The following ATG7 variants were observed in gnomAD, a reference collection of about 807,000 sequenced individuals.
ATG7 encodes autophagy related 7, also known as ubiquitin-like modifier-activating enzyme ATG7.
ATG7 carries 70 observed loss-of-function variants against 82.4 expected under a neutral mutation model. The ratio of observed to expected loss-of-function variants is 0.85; its 90% CI spans 0.70 to 1.04. The LOEUF (loss-of-function observed/expected upper bound fraction) is 1.04. ATG7 is among the 50% of genes least tolerant of loss of function. The pLI, the probability that ATG7 is intolerant of heterozygous loss-of-function variation, is 0.00. For synonymous variants in ATG7, 287 were observed against 313.0 expected, an observed-to-expected ratio of 0.92 and a Z score of 0.88; for missense variants, 792 against 864.3, an observed-to-expected ratio of 0.92 and a Z score of 1.05.
At chr3:11,467,415 C>T (rs1044288771) in intron 20 of ATG7, among the ~76,000 whole-genome samples, 2 of 152,168 alleles carry the variant, frequency 1.3e-5, no homozygotes, top group Admixed American at 1.3e-4. Flanking sequence ...CTCCCTGTGT[C>T]GCCCAGGCTG....
At chr3:11,484,748 G>C (rs1313211665) in intron 20 of ATG7, among the ~76,000 whole-genome samples, 1 of 152,120 alleles carries the variant, frequency 6.6e-6, no homozygotes, top group African/African-American at 2.4e-5. Context: ...CTGTGTCCAT[G>C]TGTTGTCATT....
intron 11 of ATG7, among the ~76,000 whole-genome samples, chr3:11,339,189 G>A (rs1356268555): frequency 1.3e-5 from 2 of 151,362 alleles, no homozygotes; most frequent in Non-Finnish European, 2.9e-5. Context: ...CCAGCTACTC[G>A]GGAGGCTGAG....
intron 20 of ATG7, among the ~76,000 whole-genome samples, chr3:11,430,591 G>C (rs1172084305): frequency 2.0e-5 from 3 of 152,042 alleles, no homozygotes; most frequent in Non-Finnish European, 4.4e-5. Flanking sequence ...TATATACTTT[G>C]TTTATAAAAT....
In ATG7 at chr3:11,440,261, TC is replaced by T. The variant is rs527999414; in HGVS notation, c.2079+13338del. ...CTTGTAGATGAACTTGCGACTCCAA[TC>T]CCAACTTACCATTGGGAAAAGAGCA... On this transcript the variant is annotated intron_variant, in intron 20 of 20. Transcript: ENST00000693202. Among the ~76,000 whole-genome samples, 187 of 151,548 alleles carry T rather than the reference TC, an allele frequency of 1.2e-3. 1 individual carries two copies. Among genetic ancestry groups the T allele is most frequent in the South Asian group, 2.3e-3 (11 of 4,790 alleles).
rs2076369862 is a variant in ATG7 at position 11,362,883 on chromosome 3, C to A, written c.1754C>A (p.Ala585Asp). 6.2e-7 allele frequency: 1 copy of A among 1,614,044 alleles called. No individual in the cohort carries two copies. Among genetic ancestry groups the A allele is most frequent in the Non-Finnish European group, 8.5e-7 (1 of 1,179,974 alleles). The stretch of plus-strand genomic sequence containing the variant: ...CCAGGACTGGCCGTGATTGCAGGAG[C>A]CCTGGCCGTGGAATTGATGGTATCT... ...SRPGLAVIAG[A>D]LAVELMVSVL... is the part of the protein sequence containing the mutation. The change falls in exon 17 of 21, where the codon GCC becomes GAC. Residue 585 changes from alanine (A) to aspartate (D), a missense_variant. Physicochemically the swap from Ala to Asp is moderately radical, Grantham distance 126. Transcript: ENST00000693202.
intron 20 of ATG7, among the ~76,000 whole-genome samples, chr3:11,509,499 T>C (rs1053862380): frequency 6.6e-6 from 1 of 151,084 alleles, no homozygotes; most frequent in Non-Finnish European, 1.5e-5. Context: ...GTCACAGACA[T>C]AGACATGTTT....
At chr3:11,339,251 G>A (rs1018352972) in intron 11 of ATG7, among the ~76,000 whole-genome samples, 12 of 139,962 alleles carry the variant, frequency 8.6e-5, no homozygotes, top group Non-Finnish European at 1.5e-4. Context: ...AGCCAAAATC[G>A]CGCCACTGCA....
chr3:11,516,032 A>T lies in ATG7; in HGVS notation c.2080-38779A>T, dbSNP rs60050165. 2.4e-3 allele frequency among the ~76,000 whole-genome samples: 275 copies of T among 115,396 alleles called. 1 individual carries two copies. The highest frequency in any genetic ancestry group is 9.4e-3 in the African/African-American group (230 of 24,424). The allele number at this position is 115,396 out of a possible 152,430, so 75.7% of individuals were successfully genotyped here. On this transcript the variant is annotated intron_variant, in intron 20 of 20. Coordinates refer to ENST00000693202, the MANE Select transcript of ATG7 (RefSeq NM_001349232.2). ...TTGGGAACAGCTCACATTCCTTTTT[A>T]AAAAAAAAAAAAAACAAAAAAACAT...
At chr3:11,499,698 G>T (rs1164287714) in intron 20 of ATG7, among the ~76,000 whole-genome samples, 1 of 146,868 alleles carries the variant, frequency 6.8e-6, no homozygotes, top group Non-Finnish European at 1.5e-5. Flanking sequence ...AGTGAGCCAA[G>T]ATCATGCCAT....
intron 20 of ATG7, among the ~76,000 whole-genome samples, chr3:11,462,089 G>T (rs754485603): frequency 6.6e-6 from 1 of 151,892 alleles, no homozygotes. Context: ...CAAATAACTC[G>T]AGGATATCTG....
intron 20 of ATG7, among the ~76,000 whole-genome samples, chr3:11,542,538 A>G (rs527251057): frequency 1.3e-5 from 2 of 152,130 alleles, no homozygotes; most frequent in East Asian, 2.0e-4. Flanking sequence ...GCCATGGGCC[A>G]TGGCCCTTCC....
At chr3:11,504,904 A>G (rs1394383429) in intron 20 of ATG7, among the ~76,000 whole-genome samples, 3 of 152,216 alleles carry the variant, frequency 2.0e-5, no homozygotes. Flanking sequence ...GGGAGGCAAG[A>G]GTTTGCCATG....
chr3:11,477,682 G>A (rs879284731), intron 20 of ATG7, among the ~76,000 whole-genome samples: 4 of 152,156 alleles, frequency 2.6e-5, no homozygotes, highest in Non-Finnish European at 5.9e-5. Flanking sequence ...GAACAAGGGG[G>A]AATTTTTTTG....
chr3:11,498,977 C>T (rs1006976921), intron 20 of ATG7, among the ~76,000 whole-genome samples: 4 of 152,110 alleles, frequency 2.6e-5, no homozygotes, highest in African/African-American at 9.7e-5. Context: ...CTGCTTGGTC[C>T]CTGGTGCTCC....
intron 20 of ATG7, among the ~76,000 whole-genome samples, chr3:11,443,348 A>T (rs1428859451): frequency 6.6e-6 from 1 of 152,180 alleles, no homozygotes; most frequent in African/African-American, 2.4e-5. Flanking sequence ...GAGATTATAT[A>T]AATGAAAGCA....
intron 19 of ATG7, among the ~76,000 whole-genome samples, chr3:11,403,891 C>A (rs1282496071): frequency 6.6e-6 from 1 of 152,164 alleles, no homozygotes; most frequent in Non-Finnish European, 1.5e-5. Context: ...AGAGCAGGTT[C>A]TCTTAAATCT....
rs1050546524 is a variant in ATG7 at position 11,308,987 on chromosome 3, T to C, written c.337T>C (p.Trp113Arg). Residue 113 changes from tryptophan (W) to arginine (R), a missense_variant, in exon 7 of 21, where the codon TGG (tryptophan) becomes CGG (arginine). Physicochemically the swap from Trp to Arg is moderately radical, Grantham distance 101. Coordinates refer to ENST00000693202, the MANE Select transcript of ATG7 (RefSeq NM_001349232.2). ...LLLEQAANEI[W>R]ESIKSGTALE... ...GATGCTTTTCTTCTTCTTGCAGATA[T>C]GGGAATCCATAAAATCAGGCACTGC... 7 of 1,613,334 alleles carry C rather than the reference T, an allele frequency of 4.3e-6. No homozygotes were observed. The African/African-American group carries it at 8.0e-5, about 18-fold the overall frequency.
intron 13 of ATG7, among the ~76,000 whole-genome samples, chr3:11,345,399 ACT>A (rs1261806480): frequency 6.6e-6 from 1 of 152,066 alleles, no homozygotes; most frequent in Non-Finnish European, 1.5e-5. Flanking sequence ...ACAGAGCAGG[ACT>A]CTGTCTCAAA....
At chr3:11,464,192 T>G (rs1227732089) in intron 20 of ATG7, among the ~76,000 whole-genome samples, 2 of 152,056 alleles carry the variant, frequency 1.3e-5, no homozygotes, top group East Asian at 3.9e-4. Context: ...GGCAACATGG[T>G]GAAACCCCAT....
Sources: allele counts gnomAD v4.1 joint callset (sites outside exome capture counted in the v4.1 genomes callset), GRCh38; gene constraint gnomAD v4.1.1; transcripts MANE v1.5; gene names NCBI Gene and HGNC (gene_info 2026-07-23, HGNC 2026-07-21).